The following SETBP1 variants were observed in gnomAD, a reference collection of about 807,000 sequenced individuals.
The protein encoded by SETBP1 is SET binding protein 1.
A neutral mutation model predicts 101.0 loss-of-function variants in SETBP1; 9 were observed. The observed-to-expected ratio is 0.09, with a 90% CI of 0.05 to 0.16. The LOEUF (loss-of-function observed/expected upper bound fraction) is 0.16, where lower values mean the gene tolerates loss of function less well. SETBP1 is among the 10% of genes least tolerant of loss of function. The pLI is 1.00. For missense variants in SETBP1, 1,858 were observed against 2,033.8 expected, an observed-to-expected ratio of 0.91 and a Z score of 1.66; for synonymous variants, 818 against 788.5, an observed-to-expected ratio of 1.04 and a Z score of -0.63.
At position 44,951,750 on chromosome 18, in the gene SETBP1, A is replaced by C; in HGVS notation, c.2410A>C (p.Thr804Pro). Reference sequence around the variant, plus strand: ...TGAAACCAATTTTTCAGAGTTGAAAACTATGCCAAATCTCCAGCCCATCAG... The same window carrying C: ...TGAAACCAATTTTTCAGAGTTGAAACCTATGCCAAATCTCCAGCCCATCAG... ...STETNFSELK[T>P]MPNLQPISAL... The change falls in exon 4 of 6, where the codon ACT becomes CCT. Residue 804 changes from threonine to proline, a missense_variant. By Grantham distance (38) the Thr-to-Pro change is conservative. This residue lies in a region of SETBP1 where 121 missense variants were observed against 138.0 expected (regional missense o/e 0.88). Transcript: ENST00000649279. This position sits in a 1 kb window ranked among gnomAD's most constrained non-coding sequence, Gnocchi z 7.8. 6.2e-7 allele frequency: 1 copy of C among 1,614,088 alleles called. No homozygotes were observed. The highest frequency in any genetic ancestry group is 8.5e-7 in the Non-Finnish European group (1 of 1,180,020).
At chr18:44,824,045 C>G (rs1194177477) in intron 2 of SETBP1, among the ~76,000 whole-genome samples, 1 of 152,188 alleles carries the variant, frequency 6.6e-6, no homozygotes, top group Non-Finnish European at 1.5e-5. Flanking sequence ...ACCCTAACCT[C>G]CATTCAAACT....
At chr18:44,964,591 TA>T (rs67481705) in intron 4 of SETBP1, among the ~76,000 whole-genome samples, 60,874 of 146,068 alleles carry the variant, frequency 0.42, 12,629 homozygotes, top group East Asian at 0.71. Context: ...TTTATTATCT[TA>T]AAAAAAAAAA....
intron 5 of SETBP1, among the ~76,000 whole-genome samples, chr18:45,049,186 G>T (rs1349595770): frequency 1.3e-5 from 2 of 152,124 alleles, no homozygotes; most frequent in African/African-American, 4.8e-5. Context: ...GGTACTAAGA[G>T]ATTCTCTTTT....
intron 3 of SETBP1, among the ~76,000 whole-genome samples, chr18:44,916,984 C>T (rs1219236806): frequency 6.6e-6 from 1 of 152,238 alleles, no homozygotes; most frequent in East Asian, 1.9e-4. Context: ...CTCATCAGTG[C>T]ATGGCTGCTG....
At chr18:45,004,586 T>G (rs2072685900) in intron 4 of SETBP1, among the ~76,000 whole-genome samples, 2 of 152,200 alleles carry the variant, frequency 1.3e-5, no homozygotes, top group Non-Finnish European at 2.9e-5. Context: ...AGAAACAGGG[T>G]TAGGACCAGG....
intron 4 of SETBP1, among the ~76,000 whole-genome samples, chr18:44,977,252 A>G (rs1055304362): frequency 2.0e-5 from 3 of 152,240 alleles, no homozygotes; most frequent in African/African-American, 7.2e-5. Context: ...ATAGATATCA[A>G]AAAAGAAATG....
chr18:44,697,421 G>C (rs2069038536), intron 1 of SETBP1: 2 of 152,246 alleles, frequency 1.3e-5, no homozygotes, highest in African/African-American at 4.8e-5. Context: ...TGGACACCAG[G>C]GGCTGGATTA....
intron 4 of SETBP1, among the ~76,000 whole-genome samples, chr18:44,954,983 T>C (rs1355516858): frequency 6.6e-6 from 1 of 152,190 alleles, no homozygotes; most frequent in Non-Finnish European, 1.5e-5. Flanking sequence ...CTTATTTAGC[T>C]AGAAAATAAT....
At chr18:44,990,852 T>G (rs1224822778) in intron 4 of SETBP1, among the ~76,000 whole-genome samples, 1 of 150,534 alleles carries the variant, frequency 6.6e-6, no homozygotes, top group East Asian at 1.9e-4. Flanking sequence ...ACATTAAATT[T>G]GGGTTCTATA....
intron 2 of SETBP1, among the ~76,000 whole-genome samples, chr18:44,712,832 C>T (rs533110596): frequency 2.6e-5 from 4 of 152,108 alleles, no homozygotes; most frequent in Non-Finnish European, 4.4e-5. Flanking sequence ...CAGGAGAAGG[C>T]TGACAACAGA....
intron 2 of SETBP1, among the ~76,000 whole-genome samples, chr18:44,719,790 C>A (rs1363295243): frequency 1.3e-5 from 2 of 152,200 alleles, no homozygotes; most frequent in East Asian, 3.9e-4. Flanking sequence ...GTGGCCACTT[C>A]TGCTCATCTT....
intron 3 of SETBP1, among the ~76,000 whole-genome samples, chr18:44,894,893 G>C (rs2069856156): frequency 6.6e-6 from 1 of 150,608 alleles, no homozygotes; most frequent in Non-Finnish European, 1.5e-5. Context: ...CAGGAGGATT[G>C]CTCAAGGCCA....
chr18:45,060,576 G>A (rs2073875300), intron 5 of SETBP1, among the ~76,000 whole-genome samples: 1 of 152,052 alleles, frequency 6.6e-6, no homozygotes, highest in Non-Finnish European at 1.5e-5. Context: ...TGCTAAATGT[G>A]AATGGTGGGC....
intron 1 of SETBP1, among the ~76,000 whole-genome samples, chr18:44,692,031 A>G (rs2068943434): frequency 6.6e-6 from 1 of 152,220 alleles, no homozygotes; most frequent in Admixed American, 6.5e-5. Context: ...ATAATCAAAC[A>G]ACAGCTAAAT....
At chr18:44,692,583 G>A (rs1307198894) in intron 1 of SETBP1, among the ~76,000 whole-genome samples, 4 of 152,174 alleles carry the variant, frequency 2.6e-5, no homozygotes, top group Admixed American at 6.5e-5. Flanking sequence ...GTGGGAGAGA[G>A]AGGCAGGTAA....
At chr18:44,803,408 C>T (rs978738234) in intron 2 of SETBP1, among the ~76,000 whole-genome samples, 45 of 152,134 alleles carry the variant, frequency 3.0e-4, no homozygotes, top group Non-Finnish European at 5.9e-4. Flanking sequence ...CTAAATATAG[C>T]TGGTGCAGTC....
In SETBP1 at chr18:44,951,702, G is replaced by A. The variant is rs2071356410; in HGVS notation, c.2362G>A (p.Gly788Ser). Residue 788 changes from glycine (G) to serine (S), a missense_variant, in exon 4 of 6, where the codon GGC (glycine) becomes AGC (serine). Physicochemically the swap from Gly to Ser is moderately conservative, Grantham distance 56 (BLOSUM62 0). Around this residue, in one of 12 missense-constraint regions of SETBP1, gnomAD observed 121 missense variants for 138.0 expected, o/e 0.88. Transcript: ENST00000649279. This position sits in a 1 kb window ranked among gnomAD's most constrained non-coding sequence, Gnocchi z 7.8. ...PLSTQLGGSN[G>S]NLSPASTETN... ...TTCAACACAGTTAGGTGGGTCCAATGGCAACCTGAGCCCTGCCAGCACTGA... is the reference window on the plus strand; with the variant it reads ...TTCAACACAGTTAGGTGGGTCCAATAGCAACCTGAGCCCTGCCAGCACTGA... 1 of 1,613,996 alleles carries A rather than the reference G, an allele frequency of 6.2e-7. No homozygotes were observed. The highest frequency in any genetic ancestry group is 8.5e-7 in the Non-Finnish European group (1 of 1,180,040).
At chr18:44,968,237 TATTC>T (rs1220959986) in intron 4 of SETBP1, among the ~76,000 whole-genome samples, 1 of 152,174 alleles carries the variant, frequency 6.6e-6, no homozygotes, top group Non-Finnish European at 1.5e-5. Context: ...ATATTGCACT[TATTC>T]ATTCATCATA....
chr18:45,049,840 G>A (rs1012869642), intron 5 of SETBP1, among the ~76,000 whole-genome samples: 1 of 152,096 alleles, frequency 6.6e-6, no homozygotes, highest in Non-Finnish European at 1.5e-5. Flanking sequence ...CCTTCGAGAT[G>A]GTGAAATTCA....
Sources: allele counts gnomAD v4.1 joint callset (sites outside exome capture counted in the v4.1 genomes callset), GRCh38; gene constraint gnomAD v4.1.1; regional missense constraint gnomAD v4.1.1; non-coding constraint Gnocchi (gnomAD v3.1); transcripts MANE v1.5; gene names NCBI Gene and HGNC (gene_info 2026-07-23, HGNC 2026-07-21).